Variants in COL6A2 observed in about 807,000 individuals in gnomAD.
COL6A2 encodes collagen alpha-2(VI) chain.
Under a neutral mutation model 124.9 loss-of-function variants are expected in COL6A2, and 90 were observed. That is an observed-to-expected ratio of 0.72 (90% CI 0.61 to 0.86). COL6A2 has a LOEUF of 0.86. Ranked by LOEUF, COL6A2 falls within the 40% of genes least tolerant of loss-of-function variation. The pLI is 0.00. For missense variants in COL6A2, 1,607 were observed against 1,502.5 expected (o/e 1.07, Z -1.15); for synonymous variants, 793 against 618.2 (o/e 1.28, Z -4.19).
Position 46,111,312 on chromosome 21 carries a change from G to A in COL6A2, c.-27-138G>A, listed in dbSNP as rs1240335761. 3 of 610,070 alleles carry A rather than the reference G, an allele frequency of 4.9e-6. No homozygotes were observed. In the South Asian group the frequency reaches 5.5e-5, roughly 11 times the overall value. The allele number at this position is 610,070 out of a possible 1,614,324, so 37.8% of individuals were successfully genotyped here. A position where few individuals can be genotyped will look rare whatever the true frequency, so the allele number is the denominator to read the frequency against. On this transcript the variant is annotated intron_variant, in intron 1 of 27. Transcript: ENST00000300527. ...CCAGATGCTGGTGACGGTGTGTGCTGGGCGCAGACCCCGCTTCCTTGAAGA... is the reference window on the plus strand; with the variant it reads ...CCAGATGCTGGTGACGGTGTGTGCTAGGCGCAGACCCCGCTTCCTTGAAGA...
intron 19 of COL6A2, 118 bp downstream of exon 19, chr21:46,122,276 C>T (rs933033903): frequency 3.1e-6 from 4 of 1,301,532 alleles, no homozygotes; most frequent in East Asian, 4.9e-5. Flanking sequence ...TGTGAGGTCC[C>T]TCCTGCGGGA....
intron 27 of COL6A2, chr21:46,129,764 C>T: frequency 2.3e-6 from 3 of 1,328,178 alleles, no homozygotes; most frequent in Admixed American, 3.4e-5. Flanking sequence ...TAAGGCCCAC[C>T]CCAAGTCCAG....
Position 46,132,400 on chromosome 21 carries a change from G to A in COL6A2, c.2908G>A (p.Val970Ile), listed in dbSNP as rs755781037. Residue 970 changes from valine (V) to isoleucine (I), a missense_variant, in exon 28 of 28, where the codon GTA becomes ATA. Transcript: ENST00000300527. ...SAHSMRKQNV[V>I]PTVLALGSDV... ...GCACTCCATGCGCAAGCAGAACGTG[G>A]TACCCACCGTGCTGGCCTTGGGCAG... 2 of 1,609,164 alleles carry A rather than the reference G, an allele frequency of 1.2e-6. No individual in the cohort carries two copies. Among genetic ancestry groups the A allele is most frequent in the South Asian group, 1.1e-5 (1 of 91,068 alleles).
At chr21:46,121,672 G>A (rs1316204412) in intron 18 of COL6A2, 54 bp downstream of exon 18, 6 of 1,584,444 alleles carry the variant, frequency 3.8e-6, no homozygotes, top group African/African-American at 1.3e-5. Context: ...AGCTGCCTGA[G>A]GAGCAGGACA....
chr21:46,109,510 C>T (rs980358781), intron 1 of COL6A2, among the ~76,000 whole-genome samples: 1 of 152,166 alleles, frequency 6.6e-6, no homozygotes, highest in African/African-American at 2.4e-5. Flanking sequence ...CCTCTTCTGC[C>T]CAGGAGCCTA....
rs770303583 is a variant in COL6A2, at chr21:46,114,045, C to G, written c.773C>G (p.Ser258Cys). Residue 258 changes from serine (S) to cysteine (C), a missense_variant, in exon 5 of 28, where the codon TCT becomes TGT. Coordinates refer to ENST00000300527, the MANE Select transcript of COL6A2 (RefSeq NM_001849.4). Reference sequence around the variant, plus strand: ...AGCTGCCTGGAAATCCCTGGGCCCTCTGGCCCCAAGGGCTACCGTGGACAG... The same window carrying G: ...AGCTGCCTGGAAATCCCTGGGCCCTGTGGCCCCAAGGGCTACCGTGGACAG... ...KVSCLEIPGP[S>C]GPKGYRGQKG... The G allele has an allele frequency of 2.5e-6, 4 of 1,613,676 alleles. No individual in the cohort carries two copies. Among genetic ancestry groups the G allele is most frequent in the Admixed American group, 3.3e-5 (2 of 60,008 alleles).
chr21:46,126,458 T>C lies in COL6A2; in HGVS notation c.2423-45T>C, dbSNP rs760119054. The C allele has an allele frequency of 8.1e-6, 13 of 1,603,488 alleles. No individual in the cohort carries two copies. The African/African-American group carries it at 1.2e-4, about 15-fold the overall frequency. ...CAGTGAACGGCCGCTGAGGGTTCGC[T>C]AGGGACTGACCCTGGCCTGGCCCGG... On this transcript the variant is annotated intron_variant, in intron 26 of 27. Coordinates refer to ENST00000300527, the MANE Select transcript of COL6A2 (RefSeq NM_001849.4).
intron 1 of COL6A2, among the ~76,000 whole-genome samples, chr21:46,100,543 T>G (rs2056618311): frequency 1.3e-5 from 2 of 152,192 alleles, no homozygotes; most frequent in Admixed American, 1.3e-4. Flanking sequence ...CTGAAGCCCA[T>G]GGAGCACCAA....
intron 1 of COL6A2, among the ~76,000 whole-genome samples, chr21:46,105,054 A>T (rs1048491917): frequency 1.3e-5 from 2 of 152,158 alleles, no homozygotes; most frequent in African/African-American, 4.8e-5. Flanking sequence ...GGTTGAAATA[A>T]AGGGTGATAG....
At position 46,112,108 on chromosome 21, in the gene COL6A2, A is replaced by G. The variant is rs1231050252; in HGVS notation, c.245A>G (p.Gln82Arg). The change falls in exon 3 of 28, where the codon CAG (glutamine) becomes CGG (arginine). Residue 82 changes from glutamine to arginine, a missense_variant. Physicochemically the swap from Gln to Arg is conservative, Grantham distance 43 (BLOSUM62 1). Transcript: ENST00000300527. ...GTGCCGCAGTTCATCAGCCAGCTGC[A>G]GAACGAGTTCTACCTGGACCAGGTG... Reference protein sequence around the residue: ...QFVPQFISQLQNEFYLDQVAL... With the variant: ...QFVPQFISQLRNEFYLDQVAL... 6.2e-7 allele frequency: 1 copy of G among 1,613,234 alleles called. No individual in the cohort carries two copies. Among genetic ancestry groups the G allele is most frequent in the Admixed American group, 1.7e-5 (1 of 60,032 alleles).
rs758601283 is a variant in COL6A2, at chr21:46,117,427, G to A, written c.1027G>A (p.Gly343Ser). 4.3e-6 allele frequency: 7 copies of A among 1,612,778 alleles called. No homozygotes were observed. The Admixed American group carries it at 6.7e-5, about 15-fold the overall frequency. ...KGKLGRIGPP[G>S]CKGDPGNRGP... ...CAAGCTGGGGCGCATCGGACCTCCT[G>A]GCTGCAAGGGAGACCCTGGAAACCG... The change falls in exon 11 of 28, where the codon GGC becomes AGC. Residue 343 changes from glycine to serine, a missense_variant. This residue lies in a region of COL6A2 where 1,223 missense variants were observed against 1,052.2 expected (regional missense o/e 1.16). Transcript: ENST00000300527.
chr21:46,131,717 G>A (rs530713119), intron 27 of COL6A2, among the ~76,000 whole-genome samples: 5 of 152,316 alleles, frequency 3.3e-5, no homozygotes, highest in African/African-American at 1.2e-4. Flanking sequence ...GCCTGTGTCA[G>A]GGTCTCAGGC....
Position 46,116,752 on chromosome 21 carries a change from TCTTC to T in COL6A2, c.955-13_955-10del, listed in dbSNP as rs756783847. 7 of 1,613,060 alleles carry T rather than the reference TCTTC, an allele frequency of 4.3e-6. No individual in the cohort carries two copies. Among genetic ancestry groups the T allele is most frequent in the South Asian group, 2.2e-5 (2 of 91,078 alleles). On this transcript the variant is annotated splice_polypyrimidine_tract_variant and intron_variant, in intron 9 of 27. Transcript: ENST00000300527. This position sits in a 1 kb window ranked among gnomAD's most constrained non-coding sequence, Gnocchi z 4.6. ...AAGGACCGGGGCTAATGGAGTTCCC[TCTTC>T]CTTCTCTCTTCAGGGGGCCCCTGGC...
intron 1 of COL6A2, among the ~76,000 whole-genome samples, chr21:46,106,572 A>T (rs1369122253): frequency 6.6e-6 from 1 of 152,222 alleles, no homozygotes; most frequent in Admixed American, 6.5e-5. Context: ...TTCTTCAAAG[A>T]CTTTTTGGTT....
At chr21:46,120,999 C>G (rs145275621) in intron 16 of COL6A2, 62 bp from the exon 17 acceptor site, 1 of 1,497,144 alleles carries the variant, frequency 6.7e-7, no homozygotes, top group African/African-American at 1.4e-5. Context: ...AGGATTGATA[C>G]TGGGGACTCC....
intron 4 of COL6A2, among the ~76,000 whole-genome samples, chr21:46,113,337 A>G (rs192258370): frequency 1.3e-5 from 2 of 152,230 alleles, no homozygotes; most frequent in African/African-American, 4.8e-5. Context: ...CTCCCTCACC[A>G]GTGCCCCTTG....
In COL6A2 at chr21:46,112,097, C is replaced by T. The variant is rs1296553724; in HGVS notation, c.234C>T (p.Ile78=). Residue 78 remains isoleucine, a synonymous_variant, in exon 3 of 28, where the codon ATC becomes ATT. Coordinates refer to ENST00000300527, the MANE Select transcript of COL6A2 (RefSeq NM_001849.4). Reference sequence around the variant, plus strand: ...TGAAGCAGTTCGTGCCGCAGTTCATCAGCCAGCTGCAGAACGAGTTCTACC... The same window carrying T: ...TGAAGCAGTTCGTGCCGCAGTTCATTAGCCAGCTGCAGAACGAGTTCTACC... The part of the protein sequence containing the change: ...FHMKQFVPQF[I]SQLQNEFYLD... 2.5e-6 allele frequency: 4 copies of T among 1,613,090 alleles called. No individual in the cohort carries two copies. The highest frequency in any genetic ancestry group is 1.1e-5 in the South Asian group (1 of 91,092).
At chr21:46,106,744 G>A (rs1219311705) in intron 1 of COL6A2, among the ~76,000 whole-genome samples, 1 of 152,140 alleles carries the variant, frequency 6.6e-6, no homozygotes, top group Non-Finnish European at 1.5e-5. Context: ...GTGTTGTTAT[G>A]CCCATGGTTG....
chr21:46,120,231 C>T (rs939926189), intron 15 of COL6A2, among the ~76,000 whole-genome samples: 1 of 142,174 alleles, frequency 7.0e-6, no homozygotes, highest in Admixed American at 7.8e-5. Context: ...CCACCAGCTC[C>T]CCTTGACATC....
Sources: allele counts gnomAD v4.1 joint callset (sites outside exome capture counted in the v4.1 genomes callset), GRCh38; gene constraint gnomAD v4.1.1; regional missense constraint gnomAD v4.1.1; non-coding constraint Gnocchi (gnomAD v3.1); transcripts MANE v1.5; gene names NCBI Gene and HGNC (gene_info 2026-07-23, HGNC 2026-07-21).